The following EDIL3 variants were observed in gnomAD, a reference collection of about 807,000 sequenced individuals.
EDIL3 encodes EGF-like repeat and discoidin I-like domain-containing protein 3.
In EDIL3, 37 loss-of-function variants were observed where a neutral mutation model predicts 67.4. The ratio of observed to expected loss-of-function variants is 0.55; its 90% CI spans 0.42 to 0.72. EDIL3 has a LOEUF of 0.72. Ranked by LOEUF, EDIL3 falls within the 30% of genes least tolerant of loss-of-function variation. The pLI is 0.00. For missense variants in EDIL3, 527 were observed against 586.3 expected (o/e 0.90, Z 1.04); for synonymous variants, 195 against 196.3 (o/e 0.99, Z 0.05).
intron 9 of EDIL3, among the ~76,000 whole-genome samples, chr5:83,987,190 T>C (rs1745070719): frequency 6.6e-6 from 1 of 152,118 alleles, no homozygotes; most frequent in African/African-American, 2.4e-5. Context: ...CTTATGTTTA[T>C]CTCTAAAACT....
At chr5:84,291,780 T>G (rs1745927787) in intron 1 of EDIL3, among the ~76,000 whole-genome samples, 1 of 146,756 alleles carries the variant, frequency 6.8e-6, no homozygotes, top group Admixed American at 6.9e-5. Flanking sequence ...ATATATCATA[T>G]ACAGATATAT....
chr5:83,948,273 GGGACA>G (rs1254779436), intron 10 of EDIL3, among the ~76,000 whole-genome samples: 1 of 151,484 alleles, frequency 6.6e-6, no homozygotes. Context: ...GCTGACATAA[GGGACA>G]GATGCTTATT....
chr5:84,077,555 A>T (rs549074692), intron 6 of EDIL3, among the ~76,000 whole-genome samples: 1 of 152,272 alleles, frequency 6.6e-6, no homozygotes, highest in African/African-American at 2.4e-5. Context: ...GTATGCAGGG[A>T]TCTGCCCTTT....
intron 3 of EDIL3, among the ~76,000 whole-genome samples, chr5:84,185,547 A>G (rs1743394298): frequency 6.6e-6 from 1 of 152,214 alleles, no homozygotes; most frequent in Non-Finnish European, 1.5e-5. Context: ...CATTTTGAAT[A>G]AACAAGGATA....
intron 2 of EDIL3, among the ~76,000 whole-genome samples, chr5:84,231,438 T>C (rs1744575542): frequency 1.3e-5 from 2 of 152,210 alleles, no homozygotes; most frequent in South Asian, 4.1e-4. Flanking sequence ...CCTATTTCAC[T>C]TGATTCATGA....
intron 1 of EDIL3, among the ~76,000 whole-genome samples, chr5:84,322,476 T>C (rs986733020): frequency 6.6e-6 from 1 of 152,006 alleles, no homozygotes; most frequent in African/African-American, 2.4e-5. Context: ...AGTAGGCAGA[T>C]AAAAGAATCA....
chr5:84,294,917 T>C (rs1746012709), intron 1 of EDIL3, among the ~76,000 whole-genome samples: 2 of 152,108 alleles, frequency 1.3e-5, no homozygotes, highest in South Asian at 4.1e-4. Flanking sequence ...CAACTACACT[T>C]GAAACAATAG....
rs372002997 is a variant in EDIL3, at chr5:84,029,256, C to CAAACAAAACA, written c.1137+31034_1137+31043dup. Among the ~76,000 whole-genome samples, 4 of 151,994 alleles carry CAAACAAAACA rather than the reference C, an allele frequency of 2.6e-5. No homozygotes were observed. The East Asian group carries it at 7.8e-4, about 30-fold the overall frequency. Reference sequence around the variant, plus strand: ...GGGGACAGAGGGATACTCCATCTCACAAACAAAACAAAACAAAACAAAACA... The same window carrying CAAACAAAACA: ...GGGGACAGAGGGATACTCCATCTCACAAACAAAACAAAACAAAACAAAACAAAACAAAACA... On this transcript the variant is annotated intron_variant, in intron 9 of 10. Transcript: ENST00000296591.
chr5:84,209,331 T>A (rs1449308677), intron 3 of EDIL3, among the ~76,000 whole-genome samples: 2 of 152,036 alleles, frequency 1.3e-5, no homozygotes, highest in Non-Finnish European at 2.9e-5. Flanking sequence ...CATATGTAAC[T>A]AACCTGTACA....
At chr5:84,301,885 G>A (rs1746170041) in intron 1 of EDIL3, among the ~76,000 whole-genome samples, 1 of 152,090 alleles carries the variant, frequency 6.6e-6, no homozygotes, top group African/African-American at 2.4e-5. Context: ...TTATATTTTT[G>A]CGTGATTTTT....
chr5:84,029,089 C>A (rs1409398540), intron 9 of EDIL3, among the ~76,000 whole-genome samples: 1 of 152,140 alleles, frequency 6.6e-6, no homozygotes, highest in Non-Finnish European at 1.5e-5. Context: ...AACCCCATCT[C>A]TACTAAAAAT....
chr5:83,980,239 G>GTT (rs202105530), intron 9 of EDIL3, among the ~76,000 whole-genome samples: 13 of 146,792 alleles, frequency 8.9e-5, no homozygotes, highest in African/African-American at 2.2e-4. Context: ...TGAGGTGTGT[G>GTT]TTTTTTTTTT....
At chr5:84,268,510 A>G (rs979685945) in intron 1 of EDIL3, among the ~76,000 whole-genome samples, 1 of 152,232 alleles carries the variant, frequency 6.6e-6, no homozygotes, top group African/African-American at 2.4e-5. Context: ...TTCTAATGAT[A>G]TGAACTACTT....
intron 1 of EDIL3, among the ~76,000 whole-genome samples, chr5:84,267,613 T>C (rs1052544873): frequency 2.6e-5 from 4 of 152,150 alleles, no homozygotes; most frequent in Admixed American, 6.5e-5. Flanking sequence ...TGAATCATCA[T>C]TTGAGTTGAG....
intron 10 of EDIL3, among the ~76,000 whole-genome samples, chr5:83,944,222 C>T (rs1744274330): frequency 6.6e-6 from 1 of 151,832 alleles, no homozygotes; most frequent in Admixed American, 6.6e-5. Context: ...TAAAACTAGC[C>T]CATCTCCAAA....
At chr5:84,029,857 T>C (rs1433230741) in intron 9 of EDIL3, among the ~76,000 whole-genome samples, 1 of 152,186 alleles carries the variant, frequency 6.6e-6, no homozygotes, top group Admixed American at 6.5e-5. Context: ...TTTAAAAAAT[T>C]GCACCCAGGG....
chr5:84,125,889 TAGCAGCCCCTG>T (rs1747861950), intron 5 of EDIL3, among the ~76,000 whole-genome samples: 1 of 152,028 alleles, frequency 6.6e-6, no homozygotes, highest in African/African-American at 2.4e-5. Context: ...CAACTTCAGA[TAGCAGCCCCTG>T]AGCAGCAGGT....
At chr5:84,268,137 C>CAATAAATAAATAAATAAATA (rs541817411) in intron 1 of EDIL3, among the ~76,000 whole-genome samples, 12 of 151,244 alleles carry the variant, frequency 7.9e-5, no homozygotes, top group African/African-American at 2.9e-4. Context: ...ATCTCGTCTC[C>CAATAAATAAATAAATAAATA]AATAAATAAA....
Position 84,336,125 on chromosome 5 carries a change from A to G in EDIL3, c.67+48183T>C, listed in dbSNP as rs565189890. On this transcript the variant is annotated intron_variant, in intron 1 of 10. Coordinates refer to ENST00000296591, the MANE Select transcript of EDIL3 (RefSeq NM_005711.5). ...AATTTTAGGAGGACACATTCAGAGCATAGCAGAGGGCATATTTGAACTGGC... is the reference window on the plus strand; with the variant it reads ...AATTTTAGGAGGACACATTCAGAGCGTAGCAGAGGGCATATTTGAACTGGC... Among the ~76,000 whole-genome samples, 4 of 152,338 alleles carry G rather than the reference A, an allele frequency of 2.6e-5. No homozygotes were observed. The South Asian group carries it at 8.3e-4, about 32-fold the overall frequency.
Sources: allele counts gnomAD v4.1 joint callset (sites outside exome capture counted in the v4.1 genomes callset), GRCh38; gene constraint gnomAD v4.1.1; transcripts MANE v1.5; gene names NCBI Gene and HGNC (gene_info 2026-07-23, HGNC 2026-07-21).